SDHAF2: variants seen among roughly 807,000 people sequenced by gnomAD.
SDHAF2 encodes succinate dehydrogenase complex assembly factor 2.
SDHAF2 carries 21 observed loss-of-function variants against 18.5 expected under a neutral mutation model. That is an observed-to-expected ratio of 1.13 (90% CI 0.80 to 1.63). SDHAF2 has a LOEUF of 1.63. Ranked by LOEUF, SDHAF2 falls within the 40% of genes most tolerant of loss-of-function variation. The pLI, the probability that SDHAF2 is intolerant of heterozygous loss-of-function variation, is 0.00. For synonymous variants in SDHAF2, 84 were observed against 70.7 expected (o/e 1.19, Z -0.94); for missense variants, 195 against 200.3 (o/e 0.97, Z 0.16).
intron 1 of SDHAF2, among the ~76,000 whole-genome samples, chr11:61,436,484 C>T (rs751756895): frequency 2.0e-5 from 3 of 152,152 alleles, no homozygotes; most frequent in Admixed American, 6.5e-5. Context: ...TCTTTGTTCT[C>T]CCTCAACCTG....
chr11:61,446,552 G>T lies in SDHAF2; in HGVS notation c.*481G>T, dbSNP rs1380361219. 2.2e-6 allele frequency: 1 copy of T among 463,832 alleles called. No homozygotes were observed. The highest frequency in any genetic ancestry group is 2.0e-5 in the African/African-American group (1 of 50,942). The allele number at this position is 463,832 out of a possible 1,614,324, so 28.7% of individuals were successfully genotyped here. A position where few individuals can be genotyped will look rare whatever the true frequency, so the allele number is the denominator to read the frequency against. On this transcript the variant is annotated 3_prime_UTR_variant, in exon 4 of 4. Transcript: ENST00000301761. ...ACCTGGTATGGCTCCTTCTGCGAAG[G>T]GAAGCTGATCCCAGCCTCCTGAGCT...
In SDHAF2 at chr11:61,436,578, G is replaced by T. The variant is rs527418357; in HGVS notation, c.37-1047G>T. ...GTCCGAACATTATACATACTTTTCA[G>T]TCTTCTCTTTCTGTCTCAGGTAGAA... On this transcript the variant is annotated intron_variant, in intron 1 of 3. Coordinates refer to ENST00000301761, the MANE Select transcript of SDHAF2 (RefSeq NM_017841.4). 3.7e-4 allele frequency among the ~76,000 whole-genome samples: 56 copies of T among 152,298 alleles called. No individual in the cohort carries two copies. The South Asian group carries it at 0.011, about 30-fold the overall frequency.
intron 3 of SDHAF2, among the ~76,000 whole-genome samples, chr11:61,441,907 A>T (rs895888737): frequency 2.1e-5 from 3 of 142,312 alleles, no homozygotes; most frequent in African/African-American, 7.6e-5. Context: ...TTTTTGAGAC[A>T]GGATCTCACT....
At chr11:61,439,911 C>T (rs1862041866) in intron 3 of SDHAF2, among the ~76,000 whole-genome samples, 1 of 152,172 alleles carries the variant, frequency 6.6e-6, no homozygotes, top group African/African-American at 2.4e-5. Flanking sequence ...TAAACATTTG[C>T]ATACAGATTT....
chr11:61,438,367 T>C (rs1431342056), intron 3 of SDHAF2: 2 of 577,624 alleles, frequency 3.5e-6, no homozygotes, highest in East Asian at 5.7e-5. Context: ...ACCCGGGTAA[T>C]TTTATATTTT....
At position 61,430,325 on chromosome 11, in the gene SDHAF2, C is replaced by T. The variant is rs563272959; in HGVS notation, c.36+143C>T. 7 of 972,182 alleles carry T rather than the reference C, an allele frequency of 7.2e-6. No individual in the cohort carries two copies. In the South Asian group the frequency reaches 8.2e-5, roughly 11 times the overall value. 60.2% of individuals were successfully genotyped at this position (972,182 alleles called of 1,614,324 possible). A position where few individuals can be genotyped will look rare whatever the true frequency, so the allele number is the denominator to read the frequency against. ...CAGGCCCAGGGAGAGGCCGATCCTG[C>T]AACTCAGGAAATAAAGGTCGCTTCC... On this transcript the variant is annotated intron_variant, in intron 1 of 3. Transcript: ENST00000301761.
intron 1 of SDHAF2, chr11:61,430,663 A>C (rs1462967450): frequency 5.8e-6 from 1 of 172,778 alleles, no homozygotes; most frequent in Non-Finnish European, 1.2e-5. Context: ...AATCTTTATC[A>C]TTTATTTACG....
intron 3 of SDHAF2, among the ~76,000 whole-genome samples, chr11:61,438,661 T>C (rs888372408): frequency 6.6e-6 from 1 of 152,190 alleles, no homozygotes; most frequent in African/African-American, 2.4e-5. Context: ...GAAGGGTATA[T>C]GAAGCTCACA....
chr11:61,442,322 G>T (rs973066182), intron 3 of SDHAF2, among the ~76,000 whole-genome samples: 1 of 152,148 alleles, frequency 6.6e-6, no homozygotes, highest in Admixed American at 6.6e-5. Flanking sequence ...CAGGAGTTCC[G>T]CTGGGTTTGG....
chr11:61,444,801 GTC>G (rs1463898905), intron 3 of SDHAF2, among the ~76,000 whole-genome samples: 1 of 152,136 alleles, frequency 6.6e-6, no homozygotes. Flanking sequence ...GATGTCCAGT[GTC>G]TCTTCTTCCT....
chr11:61,440,283 C>T (rs1040589282), intron 3 of SDHAF2, among the ~76,000 whole-genome samples: 3 of 151,320 alleles, frequency 2.0e-5, no homozygotes, highest in Admixed American at 6.6e-5. Context: ...CCAACCTGGG[C>T]GACAGAGTGA....
At position 61,430,317 on chromosome 11, in the gene SDHAF2, C is replaced by G. The variant is rs115774979; in HGVS notation, c.36+135C>G. 4.2e-3 allele frequency: 4,434 copies of G among 1,061,418 alleles called. 78 individuals are homozygous for G. Among genetic ancestry groups the G allele is most frequent in the African/African-American group, 0.022 (1,389 of 64,268 alleles). 65.7% of individuals were successfully genotyped at this position (1,061,418 alleles called of 1,614,324 possible). On this transcript the variant is annotated intron_variant, in intron 1 of 3. Coordinates refer to ENST00000301761, the MANE Select transcript of SDHAF2 (RefSeq NM_017841.4). ...GGCAAGGGCAGGCCCAGGGAGAGGC[C>G]GATCCTGCAACTCAGGAAATAAAGG...
Position 61,446,566 on chromosome 11 carries a change from G to T in SDHAF2, c.*495G>T. ...CTTCTGCGAAGGGAAGCTGATCCCA[G>T]CCTCCTGAGCTGAATCCTTCAAAGG... On this transcript the variant is annotated 3_prime_UTR_variant, in exon 4 of 4. Coordinates refer to ENST00000301761, the MANE Select transcript of SDHAF2 (RefSeq NM_017841.4). The T allele has an allele frequency of 2.2e-6, 1 of 457,544 alleles. No homozygotes were observed. 28.3% of individuals were successfully genotyped at this position (457,544 alleles called of 1,614,324 possible). A position where few individuals can be genotyped will look rare whatever the true frequency, so the allele number is the denominator to read the frequency against.
chr11:61,437,278 TC>T lies in SDHAF2; in HGVS notation c.37-344del, dbSNP rs1318989312. ...TCACAGCTCACTGCAGCGTTGACCT[TC>T]CCAGGCTCAGATGATCTTCCCACTT... On this transcript the variant is annotated intron_variant, in intron 1 of 3. Transcript: ENST00000301761. Among the ~76,000 whole-genome samples the T allele has an allele frequency of 2.0e-5, 3 of 152,224 alleles. No individual in the cohort carries two copies. In the South Asian group the frequency reaches 6.2e-4, roughly 32 times the overall value.
At position 61,430,357 on chromosome 11, in the gene SDHAF2, T is replaced by C. The variant is rs1014031176; in HGVS notation, c.36+175T>C. Reference sequence around the variant, plus strand: ...GGAAATAAAGGTCGCTTCCATTCTTTGGTGAGCCTACTGTGTGCCGGTCTG... The same window carrying C: ...GGAAATAAAGGTCGCTTCCATTCTTCGGTGAGCCTACTGTGTGCCGGTCTG... On this transcript the variant is annotated intron_variant, in intron 1 of 3. Coordinates refer to ENST00000301761, the MANE Select transcript of SDHAF2 (RefSeq NM_017841.4). 7 of 747,930 alleles carry C rather than the reference T, an allele frequency of 9.4e-6. No homozygotes were observed. In the African/African-American group the frequency reaches 1.2e-4, roughly 13 times the overall value. 46.3% of individuals were successfully genotyped at this position (747,930 alleles called of 1,614,324 possible).
Position 61,446,702 on chromosome 11 carries a change from G to C in SDHAF2, c.*631G>C, listed in dbSNP as rs1479399799. 2.5e-6 allele frequency: 1 copy of C among 399,434 alleles called. No homozygotes were observed. The highest frequency in any genetic ancestry group is 4.4e-6 in the Non-Finnish European group (1 of 226,796). 24.7% of individuals were successfully genotyped at this position (399,434 alleles called of 1,614,324 possible). On this transcript the variant is annotated 3_prime_UTR_variant, in exon 4 of 4. Coordinates refer to ENST00000301761, the MANE Select transcript of SDHAF2 (RefSeq NM_017841.4). Reference sequence around the variant, plus strand: ...AAAACGTGCACTTTGTAATTTGAAAGAGAATTATTAAAGCATACTGAAAAA... The same window carrying C: ...AAAACGTGCACTTTGTAATTTGAAACAGAATTATTAAAGCATACTGAAAAA...
At position 61,437,607 on chromosome 11, in the gene SDHAF2, G is replaced by A. The variant is rs374796679; in HGVS notation, c.37-18G>A. On this transcript the variant is annotated intron_variant, in intron 1 of 3. Transcript: ENST00000301761. ...AGTCGTCATTATTGTAAAGATGTTT[G>A]TGGTTTGTTCATTTCAGATGCTTGC... 6.9e-6 allele frequency: 11 copies of A among 1,585,810 alleles called. No homozygotes were observed. In the African/African-American group the frequency reaches 9.4e-5, roughly 14 times the overall value.
At chr11:61,438,191 A>C in intron 3 of SDHAF2, 78 bp downstream of exon 3, 1 of 1,124,934 alleles carries the variant, frequency 8.9e-7, no homozygotes, top group Non-Finnish European at 1.3e-6. Flanking sequence ...TATCCTAGAT[A>C]ATTTTTTTCT....
intron 3 of SDHAF2, among the ~76,000 whole-genome samples, chr11:61,442,518 T>A (rs891258677): frequency 6.6e-6 from 1 of 152,260 alleles, no homozygotes; most frequent in Non-Finnish European, 1.5e-5. Flanking sequence ...CGTTTCAATA[T>A]TATATACATA....
Sources: allele counts gnomAD v4.1 joint callset (sites outside exome capture counted in the v4.1 genomes callset), GRCh38; gene constraint gnomAD v4.1.1; transcripts MANE v1.5; gene names NCBI Gene and HGNC (gene_info 2026-07-23, HGNC 2026-07-21).